MGAT4D: variants seen among roughly 807,000 people sequenced by gnomAD.
The protein encoded by MGAT4D is alpha-1,3-mannosyl-glycoprotein 4-beta-N-acetylglucosaminyltransferase-like protein MGAT4D.
In MGAT4D, 34 loss-of-function variants were observed where a neutral mutation model predicts 15.9. The ratio of observed to expected loss-of-function variants is 2.14; its 90% CI spans 1.62 to 2.84. The LOEUF is 2.84. Ranked by LOEUF, MGAT4D falls within the 30% of genes most tolerant of loss-of-function variation. The pLI is 0.00. For missense variants in MGAT4D, 327 were observed against 140.2 expected, an observed-to-expected ratio of 2.33 and a Z score of -6.73; for synonymous variants, 112 against 48.2, an observed-to-expected ratio of 2.33 and a Z score of -5.49.
At chr4:140,495,859 C>T (rs1037565906) in intron 1 of MGAT4D, among the ~76,000 whole-genome samples, 16 of 152,144 alleles carry the variant, frequency 1.1e-4, no homozygotes, top group Non-Finnish European at 1.9e-4. Context: ...GCCTCAGCCT[C>T]CTGAGTAGCT....
intron 5 of MGAT4D, among the ~76,000 whole-genome samples, chr4:140,467,027 C>T (rs1029395268): frequency 6.6e-6 from 1 of 151,878 alleles, no homozygotes; most frequent in East Asian, 1.9e-4. Context: ...AACTTAAAAA[C>T]TTGGGGGGAA....
intron 5 of MGAT4D, among the ~76,000 whole-genome samples, chr4:140,471,237 T>A (rs1193737925): frequency 3.0e-5 from 3 of 100,910 alleles, no homozygotes; most frequent in Admixed American, 1.1e-4. Flanking sequence ...TTTCCTTCCT[T>A]CCTTCCTTCC....
At chr4:140,475,027 A>G in intron 3 of MGAT4D, 81 bp from the exon 4 acceptor site, 1 of 462,160 alleles carries the variant, frequency 2.2e-6, no homozygotes, top group East Asian at 3.4e-5. Flanking sequence ...GCTTATTCCT[A>G]TGTTTGGGTT....
In MGAT4D at chr4:140,471,227, T is replaced by TTACC. The variant is rs1225560660; in HGVS notation, c.572+547_572+548insGGTA. ...TTTCGTTTCTCCTTTCTCCTTTTTG[T>TTACC]TTCCTTCCTTCCTTCCTTCCTTCCT... is the stretch of plus-strand genomic sequence containing the variant. On this transcript the variant is annotated intron_variant, in intron 5 of 10. Coordinates refer to ENST00000511113, the MANE Select transcript of MGAT4D (RefSeq NM_001277353.2). 1.1e-3 allele frequency among the ~76,000 whole-genome samples: 144 copies of TTACC among 133,790 alleles called. 1 individual carries two copies. The highest frequency in any genetic ancestry group is 1.8e-3 in the Non-Finnish European group (112 of 61,490). 87.8% of individuals were successfully genotyped at this position (133,790 alleles called of 152,430 possible). A position where few individuals can be genotyped will look rare whatever the true frequency, so the allele number is the denominator to read the frequency against.
intron 5 of MGAT4D, among the ~76,000 whole-genome samples, chr4:140,471,328 A>G (rs1411661918): frequency 7.1e-6 from 1 of 141,106 alleles, no homozygotes; most frequent in Non-Finnish European, 1.5e-5. Context: ...TGTATCACCT[A>G]TTTGAACTTA....
At chr4:140,457,936 C>T (rs1295015760) in intron 8 of MGAT4D, 5 of 152,050 alleles carry the variant, frequency 3.3e-5, no homozygotes, top group East Asian at 1.9e-4. Context: ...CAAAAGTCAT[C>T]GAGTGAGTAT....
At chr4:140,455,440 C>T (rs1017124119) in intron 9 of MGAT4D, among the ~76,000 whole-genome samples, 1 of 152,124 alleles carries the variant, frequency 6.6e-6, no homozygotes, top group African/African-American at 2.4e-5. Flanking sequence ...CATTAAAAAT[C>T]ATTTCAGTTT....
intron 4 of MGAT4D, among the ~76,000 whole-genome samples, chr4:140,472,561 T>C (rs1248540782): frequency 6.6e-6 from 1 of 152,194 alleles, no homozygotes; most frequent in African/African-American, 2.4e-5. Context: ...TGTTTAAAAA[T>C]AGCAGACATG....
chr4:140,457,759 T>C (rs1730905144), intron 8 of MGAT4D: 1 of 152,196 alleles, frequency 6.6e-6, no homozygotes, highest in Non-Finnish European at 1.5e-5. Context: ...CTGAGAAAGA[T>C]AAATTTTTTT....
chr4:140,497,913 G>T (rs1209844569), intron 1 of MGAT4D, among the ~76,000 whole-genome samples: 2 of 152,194 alleles, frequency 1.3e-5, no homozygotes, highest in African/African-American at 4.8e-5. Context: ...GGCCCTGGAG[G>T]AGGAGGTCGG....
chr4:140,497,955 G>T (rs1247781313), intron 1 of MGAT4D, among the ~76,000 whole-genome samples, 174 bp downstream of exon 1: 2 of 152,130 alleles, frequency 1.3e-5, no homozygotes, highest in Admixed American at 1.3e-4. Context: ...GCCGCTGACC[G>T]GGGTAGGCGC....
At chr4:140,490,675 T>C (rs775355083) in intron 1 of MGAT4D, among the ~76,000 whole-genome samples, 8 of 152,208 alleles carry the variant, frequency 5.3e-5, no homozygotes, top group African/African-American at 1.2e-4. Flanking sequence ...ATTTCTTTTC[T>C]CAAAAGCCAG....
At chr4:140,470,652 T>C (rs964094803) in intron 5 of MGAT4D, among the ~76,000 whole-genome samples, 1 of 152,176 alleles carries the variant, frequency 6.6e-6, no homozygotes, top group Non-Finnish European at 1.5e-5. Context: ...CATGCTCCTT[T>C]GGTCTCTCTG....
At chr4:140,484,810 A>G (rs1732991287) in intron 1 of MGAT4D, among the ~76,000 whole-genome samples, 3 of 152,242 alleles carry the variant, frequency 2.0e-5, no homozygotes, top group Admixed American at 2.0e-4. Flanking sequence ...AATGCTCATC[A>G]TTACTGGCCA....
chr4:140,449,587 G>A (rs138135279), intron 10 of MGAT4D, among the ~76,000 whole-genome samples: 13,671 of 152,006 alleles, frequency 0.09, 736 homozygotes, highest in East Asian at 0.21. Context: ...GTGAAACCCC[G>A]TCTCTACTAA....
chr4:140,478,009 A>G (rs1732453349), intron 3 of MGAT4D, among the ~76,000 whole-genome samples: 1 of 152,228 alleles, frequency 6.6e-6, no homozygotes, highest in African/African-American at 2.4e-5. Context: ...AGGCCTTGCC[A>G]CAGGCTTCAA....
chr4:140,496,782 G>A (rs1383869890), intron 1 of MGAT4D, among the ~76,000 whole-genome samples: 2 of 152,192 alleles, frequency 1.3e-5, no homozygotes, highest in African/African-American at 4.8e-5. Context: ...GGCACAGGTT[G>A]CAGTGCAGTG....
intron 1 of MGAT4D, among the ~76,000 whole-genome samples, chr4:140,487,095 G>A (rs1042249480): frequency 1.3e-5 from 2 of 152,148 alleles, no homozygotes; most frequent in African/African-American, 4.8e-5. Context: ...AATGTTAAAG[G>A]ACATAATCTC....
intron 8 of MGAT4D, chr4:140,457,116 G>C (rs546903930): frequency 6.6e-6 from 1 of 151,678 alleles, no homozygotes; most frequent in Admixed American, 6.6e-5. Context: ...TACATTTTTC[G>C]TTGTTAGTAC....
Sources: allele counts gnomAD v4.1 joint callset (sites outside exome capture counted in the v4.1 genomes callset), GRCh38; gene constraint gnomAD v4.1.1; transcripts MANE v1.5; gene names NCBI Gene and HGNC (gene_info 2026-07-23, HGNC 2026-07-21).